Variants in KCND2 observed in about 807,000 individuals in gnomAD.
KCND2 encodes the protein A-type voltage-gated potassium channel KCND2.
KCND2 carries 16 observed loss-of-function variants against 54.4 expected under a neutral mutation model. The ratio of observed to expected loss-of-function variants is 0.29; its 90% CI spans 0.20 to 0.45. The LOEUF (loss-of-function observed/expected upper bound fraction) is 0.45. Among genes scored for constraint, KCND2 ranks in the 20% least tolerant of loss-of-function variants. The pLI, the probability that KCND2 is intolerant of heterozygous loss-of-function variation, is 1.00. For synonymous variants in KCND2, 317 were observed against 310.7 expected (o/e 1.02, Z -0.21); for missense variants, 486 against 824.2 (o/e 0.59, Z 5.02).
rs77995381 is a variant in KCND2, at chr7:120,737,079, C to A, written c.1278+4014C>A. ...ACACACACACACACACACACACAAA[C>A]AAAAAAAAAAAAAACAAAACAAAAA... On this transcript the variant is annotated intron_variant, in intron 2 of 5. Transcript: ENST00000331113. Among the ~76,000 whole-genome samples, 415 of 82,042 alleles carry A rather than the reference C, an allele frequency of 5.1e-3. 1 individual carries two copies. Among genetic ancestry groups the A allele is most frequent in the Middle Eastern group, 0.034 (6 of 176 alleles). 53.8% of individuals were successfully genotyped at this position (82,042 alleles called of 152,430 possible).
At chr7:120,316,409 C>G (rs577264985) in intron 1 of KCND2, among the ~76,000 whole-genome samples, 1 of 152,304 alleles carries the variant, frequency 6.6e-6, no homozygotes, top group African/African-American at 2.4e-5. Context: ...CCAATTTCCC[C>G]TAATGTTTTT....
chr7:120,394,870 C>CT (rs1285182799), intron 1 of KCND2, among the ~76,000 whole-genome samples: 2 of 151,982 alleles, frequency 1.3e-5, no homozygotes, highest in Non-Finnish European at 2.9e-5. Context: ...AATCAAGTGA[C>CT]TGTTCATGTA....
At chr7:120,446,521 T>C (rs78725492) in intron 1 of KCND2, among the ~76,000 whole-genome samples, 1 of 151,762 alleles carries the variant, frequency 6.6e-6, no homozygotes, top group African/African-American at 2.4e-5. Flanking sequence ...GAAAGGAAGA[T>C]TTCCAATATT....
At chr7:120,621,276 C>CAAAAAAAAAAAAAAAAAAAAAAAA (rs1175736454) in intron 1 of KCND2, among the ~76,000 whole-genome samples, 5 of 47,204 alleles carry the variant, frequency 1.1e-4, no homozygotes, top group African/African-American at 3.4e-4. Flanking sequence ...GACTCCGTCT[C>CAAAAAAAAAAAAAAAAAAAAAAAA]AAAAAAAAAA....
At chr7:120,747,023 T>C (rs550673501) in intron 5 of KCND2, 5 of 152,252 alleles carry the variant, frequency 3.3e-5, no homozygotes, top group African/African-American at 1.2e-4. Context: ...CAAGAAAATC[T>C]TAGGACATAA....
At chr7:120,362,623 G>A (rs1240024561) in intron 1 of KCND2, among the ~76,000 whole-genome samples, 2 of 151,996 alleles carry the variant, frequency 1.3e-5, no homozygotes, top group Admixed American at 6.6e-5. Context: ...GTTCTAGCTC[G>A]AGCTCTGTAA....
chr7:120,302,972 G>A (rs1799607528), intron 1 of KCND2, among the ~76,000 whole-genome samples: 1 of 152,200 alleles, frequency 6.6e-6, no homozygotes, highest in African/African-American at 2.4e-5. Context: ...AGACAGAGAT[G>A]GAACTAAAAG....
chr7:120,703,725 A>G (rs1032694115), intron 1 of KCND2, among the ~76,000 whole-genome samples: 5 of 152,132 alleles, frequency 3.3e-5, no homozygotes, highest in Non-Finnish European at 7.4e-5. Context: ...ATGCTGATAC[A>G]TTGCAGGTGA....
At chr7:120,349,539 T>G (rs915460760) in intron 1 of KCND2, among the ~76,000 whole-genome samples, 12 of 151,362 alleles carry the variant, frequency 7.9e-5, no homozygotes, top group Non-Finnish European at 1.8e-4. Flanking sequence ...AATTTTGGAA[T>G]TTTTTTTTCC....
At chr7:120,709,784 T>C (rs542004423) in intron 1 of KCND2, among the ~76,000 whole-genome samples, 1 of 152,142 alleles carries the variant, frequency 6.6e-6, no homozygotes, top group East Asian at 1.9e-4. Flanking sequence ...CACTCTTACC[T>C]AGCACTGGCT....
At chr7:120,453,891 C>T (rs1390824939) in intron 1 of KCND2, among the ~76,000 whole-genome samples, 1 of 152,088 alleles carries the variant, frequency 6.6e-6, no homozygotes, top group Admixed American at 6.6e-5. Context: ...TCGAGACCAT[C>T]CTGGCTAACA....
chr7:120,473,143 G>A (rs1361302640), intron 1 of KCND2, among the ~76,000 whole-genome samples: 1 of 152,170 alleles, frequency 6.6e-6, no homozygotes, highest in East Asian at 1.9e-4. Flanking sequence ...ACCCACAGAG[G>A]GAGAAAACCA....
At chr7:120,371,398 C>T (rs545881931) in intron 1 of KCND2, among the ~76,000 whole-genome samples, 1 of 152,080 alleles carries the variant, frequency 6.6e-6, no homozygotes, top group Non-Finnish European at 1.5e-5. Flanking sequence ...AGATAAAACA[C>T]AGTTAATGTA....
Position 120,353,133 on chromosome 7 carries a change from C to CTTTTTTTTTTTTT in KCND2, c.1115+77399_1115+77411dup, listed in dbSNP as rs72353278. ...TAACAATGTGAGATAAATACTTTTA[C>CTTTTTTTTTTTTT]TTTTTTTTTTTTTTTTTTTTTTTTT... is the stretch of plus-strand genomic sequence containing the variant. On this transcript the variant is annotated intron_variant, in intron 1 of 5. Transcript: ENST00000331113. Among the ~76,000 whole-genome samples the CTTTTTTTTTTTTT allele has an allele frequency of 4.4e-5, 4 of 91,792 alleles. 1 individual carries two copies. The highest frequency in any genetic ancestry group is 7.9e-5 in the Non-Finnish European group (4 of 50,688). 60.2% of individuals were successfully genotyped at this position (91,792 alleles called of 152,430 possible). A position where few individuals can be genotyped will look rare whatever the true frequency, so the allele number is the denominator to read the frequency against.
chr7:120,619,976 G>C lies in KCND2; in HGVS notation c.1116-112927G>C, dbSNP rs532570590. Among the ~76,000 whole-genome samples, 6 of 152,232 alleles carry C rather than the reference G, an allele frequency of 3.9e-5. 1 individual carries two copies. In the South Asian group the frequency reaches 1.2e-3, roughly 32 times the overall value. On this transcript the variant is annotated intron_variant, in intron 1 of 5. Coordinates refer to ENST00000331113, the MANE Select transcript of KCND2 (RefSeq NM_012281.3). ...TGAATAGAATATGTTTTGCAAATAA[G>C]CTACTCAAGTGGTTGCTTTATTCAC... is the stretch of plus-strand genomic sequence containing the variant.
chr7:120,611,528 G>A (rs750821294), intron 1 of KCND2, among the ~76,000 whole-genome samples: 2 of 152,100 alleles, frequency 1.3e-5, no homozygotes, highest in African/African-American at 2.4e-5. Context: ...AGGGGTGAAG[G>A]GTGTCAAAGT....
chr7:120,473,391 G>A (rs1802488207), intron 1 of KCND2, among the ~76,000 whole-genome samples: 1 of 152,154 alleles, frequency 6.6e-6, no homozygotes, highest in African/African-American at 2.4e-5. Context: ...GTCCGGTTTT[G>A]TGTCTCAGAC....
intron 1 of KCND2, among the ~76,000 whole-genome samples, chr7:120,448,021 C>A (rs1033623175): frequency 6.6e-6 from 1 of 151,974 alleles, no homozygotes; most frequent in East Asian, 1.9e-4. Flanking sequence ...ACCCAAAAAA[C>A]CTTGATTTTA....
rs548014311 is a variant in KCND2, at chr7:120,316,251, G to A, written c.1115+40504G>A. Among the ~76,000 whole-genome samples the A allele has an allele frequency of 3.5e-4, 53 of 152,184 alleles. 1 individual carries two copies. In the South Asian group the frequency reaches 8.9e-3, roughly 26 times the overall value. ...TGCTTTCTGTACTACTTTTCTTTGC[G>A]CCTATTAAAACTCCAATTTTGCTTT... On this transcript the variant is annotated intron_variant, in intron 1 of 5. Transcript: ENST00000331113.
Sources: gnomAD v4.1 joint callset for allele counts (sites outside exome capture counted in the v4.1 genomes callset) on GRCh38, gnomAD v4.1.1 for gene constraint, MANE v1.5 for transcripts, NCBI Gene and HGNC (gene_info 2026-07-23, HGNC 2026-07-21) for gene names.